The following FOXP1 variants were observed in gnomAD, a reference collection of about 807,000 sequenced individuals.
FOXP1 encodes forkhead box P1, also known as forkhead box protein P1.
Under a neutral mutation model 98.2 loss-of-function variants are expected in FOXP1, and 15 were observed. The ratio of observed to expected loss-of-function variants is 0.15; its 90% CI spans 0.10 to 0.24. The LOEUF is 0.24. Ranked by LOEUF, FOXP1 falls within the 10% of genes least tolerant of loss-of-function variation. FOXP1 has a pLI of 1.00. For synonymous variants in FOXP1, 371 were observed against 314.5 expected (o/e 1.18, Z -1.90); for missense variants, 633 against 848.5 (o/e 0.75, Z 3.15).
chr3:71,328,150 AACAGGC>A (rs2076033640), intron 4 of FOXP1, among the ~76,000 whole-genome samples: 1 of 152,196 alleles, frequency 6.6e-6, no homozygotes, highest in African/African-American at 2.4e-5. Context: ...GAATTTGGCA[AACAGGC>A]TGGGCACTCA....
chr3:71,380,807 C>T (rs1318761148), intron 3 of FOXP1, among the ~76,000 whole-genome samples: 2 of 139,964 alleles, frequency 1.4e-5, no homozygotes, highest in Non-Finnish European at 3.0e-5. Flanking sequence ...AAACAATTTT[C>T]CCCCAAGACA....
At chr3:71,078,277 T>C (rs957012898) in intron 7 of FOXP1, among the ~76,000 whole-genome samples, 4 of 152,234 alleles carry the variant, frequency 2.6e-5, no homozygotes, top group Non-Finnish European at 5.9e-5. Flanking sequence ...ATAGGTAAGA[T>C]GAATATTCAG....
At chr3:71,086,925 A>C (rs993014787) in intron 7 of FOXP1, among the ~76,000 whole-genome samples, 1 of 152,156 alleles carries the variant, frequency 6.6e-6, no homozygotes, top group Non-Finnish European at 1.5e-5. Flanking sequence ...TACAGAGAAA[A>C]TAATGACTTT....
chr3:71,313,057 C>CTT (rs1227506558), intron 4 of FOXP1, among the ~76,000 whole-genome samples: 4,935 of 118,958 alleles, frequency 0.041, 209 homozygotes, highest in Non-Finnish European at 0.051. Flanking sequence ...AACTTTAATT[C>CTT]TTTTTTTTTT....
At chr3:71,008,053 A>C (rs1157356455) in intron 12 of FOXP1, among the ~76,000 whole-genome samples, 1 of 152,216 alleles carries the variant, frequency 6.6e-6, no homozygotes, top group Non-Finnish European at 1.5e-5. Context: ...ATAGGATACT[A>C]AGCAAGGATA....
intron 4 of FOXP1, chr3:71,334,441 G>A (rs890019025): frequency 6.6e-6 from 1 of 151,960 alleles, no homozygotes; most frequent in Non-Finnish European, 1.5e-5. Context: ...CCCTGGAGAG[G>A]AAAGCAAAGG....
intron 2 of FOXP1, among the ~76,000 whole-genome samples, chr3:71,537,137 T>A (rs757281499): frequency 6.6e-6 from 1 of 152,110 alleles, no homozygotes; most frequent in Non-Finnish European, 1.5e-5. Context: ...GGGTACTAAA[T>A]GAAACAAAGA....
At chr3:71,577,935 T>A (rs1204770938) in intron 2 of FOXP1, among the ~76,000 whole-genome samples, 1 of 151,918 alleles carries the variant, frequency 6.6e-6, no homozygotes, top group African/African-American at 2.4e-5. Flanking sequence ...TACTCTAGAT[T>A]CAAAAAAACA....
intron 3 of FOXP1, among the ~76,000 whole-genome samples, chr3:71,467,315 C>T (rs2088872499): frequency 6.6e-6 from 1 of 152,002 alleles, no homozygotes; most frequent in South Asian, 2.1e-4. Context: ...CCACACAGTA[C>T]CTGGAACGAA....
intron 5 of FOXP1, among the ~76,000 whole-genome samples, chr3:71,214,889 A>G (rs2064803034): frequency 6.6e-6 from 1 of 152,228 alleles, no homozygotes. Flanking sequence ...AGGGTTTCCA[A>G]TAGAACCACA....
At chr3:71,031,948 C>T (rs536048328) in intron 11 of FOXP1, among the ~76,000 whole-genome samples, 1 of 152,288 alleles carries the variant, frequency 6.6e-6, no homozygotes, top group African/African-American at 2.4e-5. Context: ...CTGAGTTAAC[C>T]ACGTGCTTCA....
At chr3:71,015,689 T>C in intron 11 of FOXP1, 36 bp from the exon 12 acceptor site, 2 of 1,455,348 alleles carry the variant, frequency 1.4e-6, no homozygotes, top group Non-Finnish European at 1.9e-6. Flanking sequence ...GAGAATGAAT[T>C]TGCTGCCAAG....
rs930218307 is a variant in FOXP1, at chr3:71,557,820, G to A, written c.-298+23729C>T. 3.3e-5 allele frequency among the ~76,000 whole-genome samples: 5 copies of A among 150,812 alleles called. No homozygotes were observed. In the East Asian group the frequency reaches 9.6e-4, roughly 29 times the overall value. Reference sequence around the variant, plus strand: ...AAACCTGTATTTTTTATTTTTGTTTGTTTATTTATTTTTTGAAACTGAGTC... The same window carrying A: ...AAACCTGTATTTTTTATTTTTGTTTATTTATTTATTTTTTGAAACTGAGTC... On this transcript the variant is annotated intron_variant, in intron 2 of 20. Coordinates refer to ENST00000649528, the MANE Select transcript of FOXP1 (RefSeq NM_001349338.3).
rs1030976425 is a variant in FOXP1, at chr3:71,480,850, C to T, written c.-168+12576G>A. 7.9e-5 allele frequency among the ~76,000 whole-genome samples: 12 copies of T among 152,208 alleles called. 1 individual carries two copies. The highest frequency in any genetic ancestry group is 2.1e-4 in the South Asian group (1 of 4,816). ...ACTTCCTAGCCCTAACAGCTGGCCACACATATATCGGTCTTTCCCAAGGAT... is the reference window on the plus strand; with the variant it reads ...ACTTCCTAGCCCTAACAGCTGGCCATACATATATCGGTCTTTCCCAAGGAT... On this transcript the variant is annotated intron_variant, in intron 3 of 20. Transcript: ENST00000649528.
At chr3:71,525,317 G>A (rs1056122608) in intron 2 of FOXP1, among the ~76,000 whole-genome samples, 2 of 152,144 alleles carry the variant, frequency 1.3e-5, no homozygotes, top group Admixed American at 1.3e-4. Context: ...AGACAGCAAC[G>A]AAAATTATGG....
chr3:71,154,636 G>A (rs1187312284), intron 6 of FOXP1, among the ~76,000 whole-genome samples: 3 of 152,198 alleles, frequency 2.0e-5, no homozygotes, highest in Non-Finnish European at 4.4e-5. Flanking sequence ...GACTGCCCGG[G>A]CTCAATGCTT....
chr3:71,437,333 G>C (rs2108433480), intron 3 of FOXP1, among the ~76,000 whole-genome samples: 1 of 152,244 alleles, frequency 6.6e-6, no homozygotes, highest in Non-Finnish European at 1.5e-5. Context: ...CTTGAACCTG[G>C]GAAGTTGAGG....
intron 6 of FOXP1, among the ~76,000 whole-genome samples, chr3:71,135,496 G>A (rs747606696): frequency 1.3e-5 from 2 of 152,028 alleles, no homozygotes; most frequent in Non-Finnish European, 2.9e-5. Flanking sequence ...GCCTGGTACC[G>A]AGGGCTGCCC....
At chr3:71,396,997 C>CAT (rs1188498636) in intron 3 of FOXP1, among the ~76,000 whole-genome samples, 811 of 40,550 alleles carry the variant, frequency 0.02, 163 homozygotes, top group African/African-American at 0.085. Flanking sequence ...TATATATACA[C>CAT]ATATATATGT....
Sources: gnomAD v4.1 joint callset for allele counts (sites outside exome capture counted in the v4.1 genomes callset) on GRCh38, gnomAD v4.1.1 for gene constraint, MANE v1.5 for transcripts, NCBI Gene and HGNC (gene_info 2026-07-23, HGNC 2026-07-21) for gene names.